KAZN: variants seen among roughly 807,000 people sequenced by gnomAD.
The protein encoded by KAZN is kazrin.
In KAZN, 40 loss-of-function variants were observed where a neutral mutation model predicts 87.4. The observed-to-expected ratio is 0.46, with a 90% CI of 0.36 to 0.60. The LOEUF is 0.60. KAZN is among the 20% of genes least tolerant of loss of function. The pLI, the probability that KAZN is intolerant of heterozygous loss-of-function variation, is 0.00. For missense variants in KAZN, 898 were observed against 1,073.9 expected, an observed-to-expected ratio of 0.84 and a Z score of 2.29; for synonymous variants, 466 against 458.3, an observed-to-expected ratio of 1.02 and a Z score of -0.22.
At chr1:14,136,248 G>A (rs1645107157) in intron 1 of KAZN, among the ~76,000 whole-genome samples, 1 of 152,138 alleles carries the variant, frequency 6.6e-6, no homozygotes, top group Non-Finnish European at 1.5e-5. Context: ...GGCCTCAGTA[G>A]GGCACAAGCG....
At position 13,935,194 on chromosome 1, in the gene KAZN, G is replaced by A. The variant is rs551104397; in HGVS notation, c.91+41438G>A. Among the ~76,000 whole-genome samples, 89 of 151,456 alleles carry A rather than the reference G, an allele frequency of 5.9e-4. 1 individual carries two copies. Among genetic ancestry groups the A allele is most frequent in the African/African-American group, 2.1e-3 (87 of 41,080 alleles). ...AGAGGTTACAGTGAGCCGAGATGGC[G>A]CCATTGCACTCCAGCCTGGGCAGCA... On this transcript the variant is annotated intron_variant, in intron 1 of 16. Coordinates refer to the KAZN transcript ENST00000636203.
chr1:14,604,716 T>C (rs1162474063), intron 1 of KAZN, among the ~76,000 whole-genome samples: 1 of 152,234 alleles, frequency 6.6e-6, no homozygotes, highest in Non-Finnish European at 1.5e-5. Flanking sequence ...GCGGGCTTTG[T>C]TGGCTGGGTC....
At chr1:14,553,338 G>A (rs1410946468) in intron 2 of KAZN, among the ~76,000 whole-genome samples, 1 of 152,156 alleles carries the variant, frequency 6.6e-6, no homozygotes, top group African/African-American at 2.4e-5. Context: ...TCCAGCCTGG[G>A]AGAGAGGGAG....
intron 2 of KAZN, among the ~76,000 whole-genome samples, chr1:14,289,777 G>A (rs1044825241): frequency 1.1e-4 from 16 of 152,248 alleles, no homozygotes; most frequent in African/African-American, 3.4e-4. Flanking sequence ...TCATAGCATC[G>A]ATGGTCTTTA....
chr1:14,953,516 T>C (rs1197367043), intron 1 of KAZN, among the ~76,000 whole-genome samples: 1 of 152,216 alleles, frequency 6.6e-6, no homozygotes. Flanking sequence ...CTATAAACTG[T>C]GGATGATAAA....
At chr1:13,998,620 A>AAG (rs1440937950) in intron 1 of KAZN, among the ~76,000 whole-genome samples, 3 of 152,006 alleles carry the variant, frequency 2.0e-5, no homozygotes, top group Non-Finnish European at 4.4e-5. Context: ...GATAAAAAAA[A>AAG]AAAAGAAGGG....
chr1:15,015,464 T>C (rs1413167066), intron 2 of KAZN, among the ~76,000 whole-genome samples: 1 of 152,144 alleles, frequency 6.6e-6, no homozygotes, highest in Non-Finnish European at 1.5e-5. Flanking sequence ...AAAACTGATG[T>C]TTTTAAACAT....
chr1:14,951,253 C>T (rs1662447335), intron 1 of KAZN, among the ~76,000 whole-genome samples: 1 of 152,056 alleles, frequency 6.6e-6, no homozygotes, highest in Non-Finnish European at 1.5e-5. Flanking sequence ...ACTCCCATCC[C>T]CTCTGCCCTG....
intron 2 of KAZN, among the ~76,000 whole-genome samples, chr1:14,224,650 A>T (rs1329780547): frequency 6.6e-6 from 1 of 152,152 alleles, no homozygotes; most frequent in Non-Finnish European, 1.5e-5. Flanking sequence ...CTAAGAAATG[A>T]CATAGTAGGG....
At chr1:14,902,424 T>C (rs777451182) in intron 1 of KAZN, among the ~76,000 whole-genome samples, 3 of 152,030 alleles carry the variant, frequency 2.0e-5, no homozygotes, top group Non-Finnish European at 4.4e-5. Context: ...GAGACGGGGT[T>C]TCACCGTGTT....
chr1:14,566,944 C>T (rs770622208), intron 2 of KAZN, among the ~76,000 whole-genome samples: 36 of 152,304 alleles, frequency 2.4e-4, no homozygotes, highest in Non-Finnish European at 4.3e-4. Context: ...AGCAACAAGG[C>T]TCTTTTTCTT....
chr1:14,979,478 G>A (rs1292286988), intron 2 of KAZN, among the ~76,000 whole-genome samples: 6 of 152,058 alleles, frequency 3.9e-5, no homozygotes, highest in African/African-American at 7.2e-5. Flanking sequence ...TCAATTGATC[G>A]TGAGGTATTC....
chr1:14,978,684 C>T (rs887576057), intron 2 of KAZN, among the ~76,000 whole-genome samples: 5 of 152,114 alleles, frequency 3.3e-5, no homozygotes, highest in African/African-American at 1.2e-4. Context: ...GCATCTCAGC[C>T]TCTGTGTGCT....
At chr1:14,000,433 C>T (rs780748649) in intron 1 of KAZN, among the ~76,000 whole-genome samples, 60 of 152,214 alleles carry the variant, frequency 3.9e-4, no homozygotes, top group Admixed American at 5.2e-4. Flanking sequence ...TAAACGGAAG[C>T]GAAGACAAAA....
intron 2 of KAZN, among the ~76,000 whole-genome samples, chr1:14,510,413 A>C (rs1455776487): frequency 6.6e-6 from 1 of 151,930 alleles, no homozygotes; most frequent in African/African-American, 2.4e-5. Flanking sequence ...TCAGTGCAAC[A>C]AATAGGTCAG....
intron 2 of KAZN, among the ~76,000 whole-genome samples, chr1:14,574,168 CTG>C (rs1557809628): frequency 1.3e-5 from 2 of 152,170 alleles, no homozygotes; most frequent in Non-Finnish European, 2.9e-5. Flanking sequence ...AAGAAAGTGA[CTG>C]TCATTCCCCT....
intron 1 of KAZN, among the ~76,000 whole-genome samples, chr1:14,853,488 C>T (rs573105408): frequency 6.6e-6 from 1 of 152,288 alleles, no homozygotes; most frequent in Non-Finnish European, 1.5e-5. Flanking sequence ...ATCTGAGGCA[C>T]AGCTTACATG....
chr1:14,785,536 C>T (rs548026944), intron 1 of KAZN, among the ~76,000 whole-genome samples: 1 of 152,088 alleles, frequency 6.6e-6, no homozygotes, highest in South Asian at 2.1e-4. Context: ...ATGTTACTCC[C>T]TCTCCCCAGT....
intron 1 of KAZN, among the ~76,000 whole-genome samples, chr1:13,926,649 A>T (rs913765230): frequency 8.1e-6 from 1 of 123,486 alleles, no homozygotes; most frequent in Non-Finnish European, 1.8e-5. Flanking sequence ...TATCTTTAAG[A>T]GTTAAAAAAA....
Sources: allele counts gnomAD v4.1 joint callset (sites outside exome capture counted in the v4.1 genomes callset), GRCh38; gene constraint gnomAD v4.1.1; transcripts MANE v1.5; gene names NCBI Gene and HGNC (gene_info 2026-07-23, HGNC 2026-07-21).